The following FIRRM variants were observed in gnomAD, a reference collection of about 807,000 sequenced individuals.
The protein encoded by FIRRM is FIGNL1-interacting regulator of recombination and mitosis.
chr1:169,802,756 A>C, the FIRRM span: 1 of 1,386,740 alleles, frequency 7.2e-7, no homozygotes, highest in Non-Finnish European at 1.0e-6. Context: ...AGCAGGAGAG[A>C]GAGGGAGCTT....
chr1:169,852,922 A>G, the FIRRM span: 33 of 1,614,176 alleles, frequency 2.0e-5, no homozygotes, highest in South Asian at 1.2e-4. Flanking sequence ...CTGGCTTTCA[A>G]TGGAAATGGA....
the FIRRM span, chr1:169,829,295 T>C: frequency 4.4e-6 from 7 of 1,602,288 alleles, no homozygotes; most frequent in Non-Finnish European, 6.0e-6. Context: ...TTCTACAGTT[T>C]TGAGCAGTGT....
At chr1:169,853,192 C>CCTAGG in the FIRRM span, 1 of 588,882 alleles carries the variant, frequency 1.7e-6, no homozygotes, top group Non-Finnish European at 3.0e-6. Context: ...CAGTCAGGAA[C>CCTAGG]TGCCTAGGTC....
chr1:169,839,864 T>C, the FIRRM span, among the ~76,000 whole-genome samples: 2 of 152,208 alleles, frequency 1.3e-5, no homozygotes, highest in African/African-American at 2.4e-5. Flanking sequence ...TGAGGTCTTA[T>C]ATTTAAATCT....
chr1:169,837,129 G>T, the FIRRM span: 1 of 1,562,366 alleles, frequency 6.4e-7, no homozygotes, highest in South Asian at 1.2e-5. Flanking sequence ...TAATAATTTT[G>T]ATTTATTTTA....
chr1:169,849,909 A>G, the FIRRM span: 8 of 462,968 alleles, frequency 1.7e-5, no homozygotes, highest in Admixed American at 3.0e-4. Flanking sequence ...ATGATAATAC[A>G]TTTCATTTTG....
chr1:169,797,325 GTAT>G, the FIRRM span, among the ~76,000 whole-genome samples: 1 of 151,996 alleles, frequency 6.6e-6, no homozygotes, highest in Non-Finnish European at 1.5e-5. Context: ...TGCATTTTAC[GTAT>G]TATTTTCCAG....
At chr1:169,819,887 G>A in the FIRRM span, among the ~76,000 whole-genome samples, 11 of 152,238 alleles carry the variant, frequency 7.2e-5, no homozygotes, top group African/African-American at 1.4e-4. Context: ...GATTGAACCC[G>A]GGCCGCCAGC....
At chr1:169,847,750 A>G in the FIRRM span, 8 of 1,613,450 alleles carry the variant, frequency 5.0e-6, no homozygotes, top group African/African-American at 4.0e-5. Context: ...TCGTTTGGCA[A>G]TGTTGGATTT....
chr1:169,807,828 T>C, the FIRRM span: 1 of 1,604,924 alleles, frequency 6.2e-7, no homozygotes, highest in South Asian at 1.1e-5. Flanking sequence ...AAAAAGCCAG[T>C]TGAAACACAA....
chr1:169,787,428 A>G, the FIRRM span, among the ~76,000 whole-genome samples: 1 of 152,180 alleles, frequency 6.6e-6, no homozygotes, highest in Non-Finnish European at 1.5e-5. Flanking sequence ...CCTCCCTGGT[A>G]GTGTCTGGCT....
At chr1:169,800,601 A>G in the FIRRM span, among the ~76,000 whole-genome samples, 1 of 151,800 alleles carries the variant, frequency 6.6e-6, no homozygotes, top group Non-Finnish European at 1.5e-5. Context: ...CATTGTGAAC[A>G]TTTTTCATGT....
the FIRRM span, among the ~76,000 whole-genome samples, chr1:169,837,851 G>A: frequency 2.0e-5 from 3 of 152,160 alleles, no homozygotes; most frequent in Non-Finnish European, 4.4e-5. Flanking sequence ...TCTAAATTAG[G>A]AGTTCAGGTT....
At chr1:169,837,801 A>G in the FIRRM span, among the ~76,000 whole-genome samples, 1 of 152,232 alleles carries the variant, frequency 6.6e-6, no homozygotes, top group Non-Finnish European at 1.5e-5. Flanking sequence ...AAGCAAAGAT[A>G]AGGATAGGGC....
the FIRRM span, among the ~76,000 whole-genome samples, chr1:169,816,456 A>G: frequency 2.6e-5 from 4 of 152,182 alleles, no homozygotes; most frequent in Admixed American, 6.5e-5. Flanking sequence ...TTCTCTCTCC[A>G]GTCTCCCATT....
chr1:169,823,567 TTTTTC>T, the FIRRM span: 2 of 704,252 alleles, frequency 2.8e-6, no homozygotes, highest in Admixed American at 5.9e-5. Flanking sequence ...AACAGAATAA[TTTTTC>T]TTAATGTTTT....
the FIRRM span, among the ~76,000 whole-genome samples, chr1:169,841,472 A>ATC: frequency 1.1e-4 from 16 of 152,200 alleles, no homozygotes; most frequent in Non-Finnish European, 1.5e-4. Flanking sequence ...AGTATAATAG[A>ATC]TTCAAGGCAT....
the FIRRM span, among the ~76,000 whole-genome samples, chr1:169,847,279 G>C: frequency 8.1e-6 from 1 of 123,852 alleles, no homozygotes; most frequent in African/African-American, 3.1e-5. Flanking sequence ...AGGTAGACTT[G>C]TTCAGTACAG....
At chr1:169,818,651 C>T in the FIRRM span, among the ~76,000 whole-genome samples, 1 of 151,906 alleles carries the variant, frequency 6.6e-6, no homozygotes, top group Non-Finnish European at 1.5e-5. Context: ...AGAAGAGATC[C>T]AGTAGTTATT....
Sources: gnomAD v4.1 joint callset for allele counts (sites outside exome capture counted in the v4.1 genomes callset) on GRCh38, gnomAD v4.1.1 for gene constraint, MANE v1.5 for transcripts, NCBI Gene and HGNC (gene_info 2026-07-23, HGNC 2026-07-21) for gene names.